Variants in SCNN1A observed in about 807,000 individuals in gnomAD.
SCNN1A encodes the protein sodium channel epithelial 1 subunit alpha.
A neutral mutation model predicts 68.6 loss-of-function variants in SCNN1A; 65 were observed. The observed-to-expected ratio is 0.95, with a 90% confidence interval of 0.78 to 1.16. The LOEUF is 1.16. SCNN1A is among the 50% of genes most tolerant of loss of function. The probability of loss-of-function intolerance (pLI) is 0.00; values close to 1 mark genes in which losing one functional copy is unlikely to be tolerated. For missense variants in SCNN1A, 880 were observed against 865.9 expected, an observed-to-expected ratio of 1.02 and a Z score of -0.20; for synonymous variants, 357 against 353.3, an observed-to-expected ratio of 1.01 and a Z score of -0.12.
upstream of SCNN1A, chr12:6,375,648 A>T: frequency 6.7e-7 from 1 of 1,483,088 alleles, no homozygotes; most frequent in Non-Finnish European, 8.9e-7. Context: ...GAGTTTTCCG[A>T]AGGAAGGAGG....
Position 6,348,139 on chromosome 12 carries a change from G to A in SCNN1A, c.1744C>T (p.Leu582Phe). ...CTTCGGAACCTTCGGAGCAGCATGA[G>A]GAACATGATGACCAGCAGGTCAAAG... ...LVFDLLVIMF[L>F]MLLRRFRSRY... The change falls in exon 13 of 13, where the codon CTC becomes TTC. Residue 582 changes from leucine (L) to phenylalanine (F), a missense_variant. Leu to Phe is a conservative substitution (Grantham distance 22). Around this residue, in one of 3 missense-constraint regions of SCNN1A, gnomAD observed 758 missense variants for 721.8 expected, o/e 1.05. Coordinates refer to ENST00000228916, the MANE Select transcript of SCNN1A (RefSeq NM_001038.6). 1 of 1,614,182 alleles carries A rather than the reference G, an allele frequency of 6.2e-7. No individual in the cohort carries two copies. Among genetic ancestry groups the A allele is most frequent in the Non-Finnish European group, 8.5e-7 (1 of 1,180,036 alleles).
chr12:6,348,896 T>C, intron 11 of SCNN1A, 54 bp downstream of exon 11: 2 of 1,607,320 alleles, frequency 1.2e-6, no homozygotes. Context: ...TTCTTAGGTC[T>C]ATTTTCCCTC....
chr12:6,377,128 A>T, upstream of SCNN1A: 5 of 685,548 alleles, frequency 7.3e-6, no homozygotes. Context: ...AGAAGAGAAA[A>T]GGCAGTACTC....
At position 6,363,841 on chromosome 12, in the gene SCNN1A, C is replaced by T. The variant is rs552211580; in HGVS notation, c.417-131G>A. 875 of 790,830 alleles carry T rather than the reference C, an allele frequency of 1.1e-3. 8 individuals are homozygous for T. Among genetic ancestry groups the T allele is most frequent in the Middle Eastern group, 3.7e-3 (9 of 2,440 alleles). 49.0% of individuals were successfully genotyped at this position (790,830 alleles called of 1,614,324 possible). On this transcript the variant is annotated intron_variant, in intron 2 of 12. Coordinates refer to ENST00000228916, the MANE Select transcript of SCNN1A (RefSeq NM_001038.6). The stretch of plus-strand genomic sequence containing the variant: ...GGAGAAGCCTGGGCGGGGCTGGGGT[C>T]GTCGTGGCGCCTCCTGGCCGTCCGG...
In SCNN1A at chr12:6,375,180, GTC is replaced by G. The variant is rs1948881981; in HGVS notation, c.-55+323_-55+324del. 5 of 1,453,986 alleles carry G rather than the reference GTC, an allele frequency of 3.4e-6. No homozygotes were observed. In the South Asian group the frequency reaches 5.8e-5, roughly 17 times the overall value. The allele number at this position is 1,453,986 out of a possible 1,614,324, so 90.1% of individuals were successfully genotyped here. A position where few individuals can be genotyped will look rare whatever the true frequency, so the allele number is the denominator to read the frequency against. Reference sequence around the variant, plus strand: ...TTGGTCTTCTTCCTCCAGGATCTGTGTCTCAGCTCCTGCCTCTCACTCCCTCT... The same window carrying G: ...TTGGTCTTCTTCCTCCAGGATCTGTGTCAGCTCCTGCCTCTCACTCCCTCT... On this transcript the variant is annotated intron_variant, in intron 1 of 12. Coordinates refer to ENST00000228916, the MANE Select transcript of SCNN1A (RefSeq NM_001038.6).
At position 6,355,821 on chromosome 12, in the gene SCNN1A, T is replaced by C; in HGVS notation, c.935A>G (p.Asn312Ser). The change falls in exon 5 of 13, where the codon AAC (asparagine) becomes AGC (serine). Residue 312 changes from asparagine (N) to serine (S), a missense_variant. By Grantham distance (46) the Asn-to-Ser change is conservative. This residue lies in a region of SCNN1A where 758 missense variants were observed against 721.8 expected (regional missense o/e 1.05). Transcript: ENST00000228916. ...GGAAGACATCCAGAGGTTGGAGTTG[T>C]TCTTGTCATTGAAAGTATAGCAGTT... Reference protein sequence around the residue: ...YGNCYTFNDKNNSNLWMSSMP... With the variant: ...YGNCYTFNDKSNSNLWMSSMP... 6.2e-7 allele frequency: 1 copy of C among 1,613,876 alleles called. No homozygotes were observed. The highest frequency in any genetic ancestry group is 1.1e-5 in the South Asian group (1 of 91,084).
At position 6,347,742 on chromosome 12, in the gene SCNN1A, T is replaced by A. The variant is rs1025890704; in HGVS notation, c.*131A>T. 4 of 780,242 alleles carry A rather than the reference T, an allele frequency of 5.1e-6. No individual in the cohort carries two copies. The South Asian group carries it at 6.0e-5, about 12-fold the overall frequency. The allele number at this position is 780,242 out of a possible 1,614,324, so 48.3% of individuals were successfully genotyped here. ...TTCCTGAGCCCTTACCCATCTTGCT[T>A]CCCCTCCACACATCAACGGCAGTTT... On this transcript the variant is annotated 3_prime_UTR_variant, in exon 13 of 13. Transcript: ENST00000228916.
intron 1 of SCNN1A, chr12:6,375,293 T>A (rs1003863266): frequency 7.7e-6 from 11 of 1,435,270 alleles, no homozygotes; most frequent in Admixed American, 2.9e-5. Context: ...TCTCTTCCTC[T>A]CCCCCCCTTG....
At chr12:6,377,205 T>C, upstream of SCNN1A, 1 of 1,520,256 alleles carries the variant, frequency 6.6e-7, no homozygotes, top group Non-Finnish European at 8.9e-7. Flanking sequence ...CTTCTTAAAG[T>C]GAAAGCCGGT....
intron 12 of SCNN1A, 81 bp downstream of exon 12, chr12:6,348,646 C>T (rs1015614530): frequency 1.6e-6 from 2 of 1,228,112 alleles, no homozygotes; most frequent in African/African-American, 3.0e-5. Flanking sequence ...CCCACAGAGA[C>T]AACCTTTTGG....
chr12:6,368,191 A>C (rs529594522), intron 2 of SCNN1A, among the ~76,000 whole-genome samples: 25 of 152,382 alleles, frequency 1.6e-4, no homozygotes, highest in African/African-American at 5.8e-4. Flanking sequence ...GCAAACAATG[A>C]ACCTCGAATC....
chr12:6,364,592 A>G (rs1003397703), intron 2 of SCNN1A, among the ~76,000 whole-genome samples: 2 of 142,264 alleles, frequency 1.4e-5, no homozygotes, highest in Non-Finnish European at 3.1e-5. Flanking sequence ...CGTCTTTACT[A>G]AAAAAAAAAA....
intron 3 of SCNN1A, 48 bp downstream of exon 3, chr12:6,363,394 CA>C (rs1365041207): frequency 1.4e-6 from 2 of 1,462,974 alleles, no homozygotes; most frequent in Non-Finnish European, 1.8e-6. Context: ...TGGGCGGGGC[CA>C]GGGGCCGGCG....
At chr12:6,348,337 G>GCTGT in intron 12 of SCNN1A, 84 bp from the exon 13 acceptor site, 15 of 1,604,198 alleles carry the variant, frequency 9.4e-6, no homozygotes, top group Non-Finnish European at 1.3e-5. Context: ...TCCTCACCAA[G>GCTGT]CTGTCTCCCT....
At chr12:6,375,968 G>C (rs1043887099), upstream of SCNN1A, 188 of 1,030,064 alleles carry the variant, frequency 1.8e-4, no homozygotes, top group Non-Finnish European at 2.1e-4. Context: ...AGAGGCAGGT[G>C]GGGGGCAGTG....
At chr12:6,356,008 G>A in intron 4 of SCNN1A, 128 bp from the exon 5 acceptor site, 2 of 769,588 alleles carry the variant, frequency 2.6e-6, no homozygotes. Context: ...AGAGCCATTT[G>A]TTTCCTGATC....
At chr12:6,375,367 T>G (rs1315589523) in intron 1 of SCNN1A, 138 bp downstream of exon 1, 1 of 1,463,946 alleles carries the variant, frequency 6.8e-7, no homozygotes, top group African/African-American at 1.4e-5. Context: ...AGCTGTGTCC[T>G]GATTCTGTCT....
At chr12:6,354,594 C>T in intron 7 of SCNN1A, 39 bp from the exon 8 acceptor site, 1 of 1,512,306 alleles carries the variant, frequency 6.6e-7, no homozygotes, top group Non-Finnish European at 9.2e-7. Context: ...GGGGTTCAGG[C>T]CTGAACTCAG....
intron 4 of SCNN1A, among the ~76,000 whole-genome samples, chr12:6,357,304 T>A (rs1948513418): frequency 6.6e-6 from 1 of 152,068 alleles, no homozygotes; most frequent in African/African-American, 2.4e-5. Context: ...TGGGGCACAG[T>A]GGCTCACGCC....
Sources: gnomAD v4.1 joint callset for allele counts (sites outside exome capture counted in the v4.1 genomes callset) on GRCh38, gnomAD v4.1.1 for gene constraint, gnomAD v4.1.1 regional missense constraint, MANE v1.5 for transcripts, NCBI Gene and HGNC (gene_info 2026-07-23, HGNC 2026-07-21) for gene names.